The following FAM234A variants were observed in gnomAD, a reference collection of about 807,000 sequenced individuals.
FAM234A encodes family with sequence similarity 234 member A, also known as protein FAM234A.
A neutral mutation model predicts 49.1 loss-of-function variants in FAM234A; 42 were observed. The ratio of observed to expected loss-of-function variants is 0.86; its 90% CI spans 0.67 to 1.11. FAM234A has a LOEUF of 1.11. Among genes scored for constraint, FAM234A ranks in the 50% least tolerant of loss-of-function variants. The pLI is 0.00. For missense variants in FAM234A, 815 were observed against 745.2 expected, an observed-to-expected ratio of 1.09 and a Z score of -1.09; for synonymous variants, 369 against 316.2, an observed-to-expected ratio of 1.17 and a Z score of -1.77.
intron 3 of FAM234A, among the ~76,000 whole-genome samples, chr16:257,308 C>T (rs1278479547): frequency 7.3e-6 from 1 of 137,528 alleles, no homozygotes. Flanking sequence ...TGCAGTGGCG[C>T]GATCTCGGCT....
chr16:260,270 G>C (rs1329661748), intron 5 of FAM234A, 110 bp downstream of exon 5: 5 of 1,048,690 alleles, frequency 4.8e-6, no homozygotes, highest in Non-Finnish European at 7.2e-6. Flanking sequence ...GTGATCTTGA[G>C]GGTGGCTGGA....
chr16:256,867 C>T (rs1481236194), intron 3 of FAM234A, among the ~76,000 whole-genome samples: 6 of 151,996 alleles, frequency 3.9e-5, no homozygotes, highest in African/African-American at 1.2e-4. Context: ...CTCAGCCTCC[C>T]GAGTAGCTGA....
In FAM234A at chr16:262,445, C is replaced by G. The variant is rs1246276004; in HGVS notation, c.863C>G (p.Ser288Cys). The change falls in exon 8 of 13, where the codon TCT becomes TGT. Residue 288 changes from serine (S) to cysteine (C), a missense_variant. Physicochemically the swap from Ser to Cys is moderately radical, Grantham distance 112. Coordinates refer to ENST00000399932, the MANE Select transcript of FAM234A (RefSeq NM_032039.4). ...FPCASSLCGC[S>C]VKGLYEKVTG... Reference sequence around the variant, plus strand: ...ATAGCAAGCTCCCTCTGCGGCTGCTCTGTGAAGGGTCTCTACGAGAAGGTG... The same window carrying G: ...ATAGCAAGCTCCCTCTGCGGCTGCTGTGTGAAGGGTCTCTACGAGAAGGTG... The G allele has an allele frequency of 1.2e-6, 2 of 1,608,680 alleles. No individual in the cohort carries two copies. Among genetic ancestry groups the G allele is most frequent in the Non-Finnish European group, 8.5e-7 (1 of 1,177,112 alleles).
At chr16:242,391 T>C (rs993789581) in intron 1 of FAM234A, among the ~76,000 whole-genome samples, 5 of 152,080 alleles carry the variant, frequency 3.3e-5, no homozygotes, top group Non-Finnish European at 7.4e-5. Context: ...ATTTTGTATT[T>C]TTAGTAGAGT....
chr16:264,755 G>A, intron 12 of FAM234A, 39 bp downstream of exon 12: 1 of 1,607,572 alleles, frequency 6.2e-7, no homozygotes, highest in East Asian at 2.2e-5. Context: ...GTGTTCCGCG[G>A]GGTCTGCCCT....
Position 264,988 on chromosome 16 carries a change from G to C in FAM234A, c.1625G>C (p.Arg542Pro), listed in dbSNP as rs748959817. The C allele has an allele frequency of 1.9e-6, 3 of 1,610,988 alleles. No homozygotes were observed. In the African/African-American group the frequency reaches 4.0e-5, roughly 22 times the overall value. Reference sequence around the variant, plus strand: ...GACAGTGACCAAGCCATCAGGGACCGGTTCTCCCGGCTGCGGTACCAGAGT... The same window carrying C: ...GACAGTGACCAAGCCATCAGGGACCCGTTCTCCCGGCTGCGGTACCAGAGT... ...GPDSDQAIRD[R>P]FSRLRYQSEA The change falls in exon 13 of 13, where the codon CGG becomes CCG. Residue 542 changes from arginine (R) to proline (P), a missense_variant. Physicochemically the swap from Arg to Pro is moderately radical, Grantham distance 103. Transcript: ENST00000399932.
In FAM234A at chr16:265,212, C is replaced by A; in HGVS notation, c.*190C>A. 1 of 1,404,270 alleles carries A rather than the reference C, an allele frequency of 7.1e-7. No homozygotes were observed. The highest frequency in any genetic ancestry group is 9.2e-7 in the Non-Finnish European group (1 of 1,083,190). The allele number at this position is 1,404,270 out of a possible 1,614,324, so 87.0% of individuals were successfully genotyped here. A position where few individuals can be genotyped will look rare whatever the true frequency, so the allele number is the denominator to read the frequency against. On this transcript the variant is annotated 3_prime_UTR_variant, in exon 13 of 13. Coordinates refer to ENST00000399932, the MANE Select transcript of FAM234A (RefSeq NM_032039.4). ...GGGACCTGCATGGGTGAGGGGACAC[C>A]CTGGGCCTCTCTCCCGCCCAGCATC... is the stretch of plus-strand genomic sequence containing the variant.
At chr16:245,637 A>T (rs781727786) in intron 1 of FAM234A, among the ~76,000 whole-genome samples, 3 of 152,052 alleles carry the variant, frequency 2.0e-5, no homozygotes, top group African/African-American at 2.4e-5. Flanking sequence ...CATAAAGTAC[A>T]CTAACACTAA....
intron 2 of FAM234A, among the ~76,000 whole-genome samples, chr16:252,040 G>T (rs889941153): frequency 6.8e-6 from 1 of 147,510 alleles, no homozygotes; most frequent in Non-Finnish European, 1.5e-5. Flanking sequence ...TCTCTCTGTT[G>T]CCCAGGCTAG....
At chr16:242,669 A>G (rs142315037) in intron 1 of FAM234A, among the ~76,000 whole-genome samples, 1,946 of 149,536 alleles carry the variant, frequency 0.013, 42 homozygotes, top group African/African-American at 0.045. Flanking sequence ...CTGGAGTGCA[A>G]TGGCGCTATC....
intron 3 of FAM234A, among the ~76,000 whole-genome samples, chr16:257,605 GT>G (rs955058495): frequency 3.4e-5 from 5 of 149,058 alleles, no homozygotes; most frequent in African/African-American, 7.4e-5. Context: ...GATTTTTCCC[GT>G]TTTTTTTTTC....
chr16:240,581 C>A (rs2050578163), intron 1 of FAM234A, among the ~76,000 whole-genome samples: 1 of 151,640 alleles, frequency 6.6e-6, no homozygotes. Flanking sequence ...CAGCTCACTG[C>A]AACCTCTGCC....
chr16:242,576 ATCTT>A lies in FAM234A; in HGVS notation c.-139-6964_-139-6961del, dbSNP rs369401303. Among the ~76,000 whole-genome samples the A allele has an allele frequency of 2.4e-3, 354 of 149,028 alleles. 1 individual carries two copies. The highest frequency in any genetic ancestry group is 7.9e-3 in the African/African-American group (319 of 40,400). ...TAACCATATATGAGGTATTGTGTTT[ATCTT>A]TCTTTCTTCAAGTTATTCTTGGTGT... On this transcript the variant is annotated intron_variant, in intron 1 of 12. Transcript: ENST00000399932.
chr16:263,075 C>T (rs2051540532), intron 8 of FAM234A, among the ~76,000 whole-genome samples, 187 bp from the exon 9 acceptor site: 1 of 152,150 alleles, frequency 6.6e-6, no homozygotes, highest in African/African-American at 2.4e-5. Context: ...GCCTCGGCCT[C>T]CCAAAGTGCT....
intron 1 of FAM234A, among the ~76,000 whole-genome samples, chr16:239,867 G>A (rs1353237790): frequency 6.6e-6 from 1 of 152,182 alleles, no homozygotes; most frequent in Admixed American, 6.5e-5. Context: ...AGTGCTGACT[G>A]CATGTGCTGT....
intron 1 of FAM234A, among the ~76,000 whole-genome samples, chr16:237,994 G>A (rs537965262): frequency 2.3e-4 from 32 of 140,868 alleles, no homozygotes; most frequent in South Asian, 7.1e-4. Context: ...TTGAGCCACC[G>A]TGCCTGGCCT....
chr16:241,513 C>T (rs974207587), intron 1 of FAM234A, among the ~76,000 whole-genome samples: 12 of 151,296 alleles, frequency 7.9e-5, no homozygotes, highest in Non-Finnish European at 1.6e-4. Context: ...CTCTTGAGCC[C>T]GGGGATTCAA....
At chr16:269,320 A>G (rs1174091252), downstream of FAM234A, 1 of 1,599,294 alleles carries the variant, frequency 6.3e-7, no homozygotes, top group South Asian at 1.1e-5. Context: ...TGGGCTCCAC[A>G]GGGGTGGGAA....
chr16:238,573 T>C (rs868702074), intron 1 of FAM234A, among the ~76,000 whole-genome samples: 26 of 151,968 alleles, frequency 1.7e-4, no homozygotes, highest in South Asian at 4.2e-4. Flanking sequence ...GAGACCATCC[T>C]GGCTAACACA....
Sources: allele counts gnomAD v4.1 joint callset (sites outside exome capture counted in the v4.1 genomes callset), GRCh38; gene constraint gnomAD v4.1.1; transcripts MANE v1.5; gene names NCBI Gene and HGNC (gene_info 2026-07-23, HGNC 2026-07-21).